KAZN: variants seen among roughly 807,000 people sequenced by gnomAD.
KAZN encodes the protein kazrin.
Under a neutral mutation model 87.4 loss-of-function variants are expected in KAZN, and 40 were observed. That is an observed-to-expected ratio of 0.46 (90% CI 0.36 to 0.60). KAZN has a LOEUF of 0.60. KAZN is among the 20% of genes least tolerant of loss of function. The pLI is 0.00. For missense variants in KAZN, 898 were observed against 1,073.9 expected, an observed-to-expected ratio of 0.84 and a Z score of 2.29; for synonymous variants, 466 against 458.3, an observed-to-expected ratio of 1.02 and a Z score of -0.22.
At chr1:14,922,095 C>T (rs1044902397) in intron 1 of KAZN, among the ~76,000 whole-genome samples, 2 of 152,204 alleles carry the variant, frequency 1.3e-5, no homozygotes, top group African/African-American at 4.8e-5. Context: ...TCCAGAAATA[C>T]GTGAAAGACT....
chr1:14,435,054 G>A (rs1313858081), intron 2 of KAZN, among the ~76,000 whole-genome samples: 1 of 152,072 alleles, frequency 6.6e-6, no homozygotes, highest in Non-Finnish European at 1.5e-5. Flanking sequence ...AAGAACCTCA[G>A]CCAGGGTCTC....
At chr1:14,466,739 T>C (rs924710482) in intron 2 of KAZN, among the ~76,000 whole-genome samples, 85 of 150,124 alleles carry the variant, frequency 5.7e-4, no homozygotes, top group Middle Eastern at 3.6e-3. Flanking sequence ...GAGGCCGAGG[T>C]GGGCAGATCA....
At chr1:14,420,796 G>A (rs763502785) in intron 2 of KAZN, among the ~76,000 whole-genome samples, 1 of 151,720 alleles carries the variant, frequency 6.6e-6, no homozygotes, top group Non-Finnish European at 1.5e-5. Context: ...GGCCACTCCC[G>A]AGTGCGGGGC....
intron 1 of KAZN, among the ~76,000 whole-genome samples, chr1:14,838,477 C>T (rs1647542252): frequency 6.6e-6 from 1 of 152,200 alleles, no homozygotes; most frequent in Non-Finnish European, 1.5e-5. Context: ...CCCACCTGGT[C>T]AGTTACCCAG....
chr1:14,137,804 G>A (rs1158311219), intron 1 of KAZN, among the ~76,000 whole-genome samples: 2 of 148,500 alleles, frequency 1.3e-5, no homozygotes, highest in East Asian at 4.1e-4. Context: ...CTCTTCCTGG[G>A]TTTAAGCGAT....
At chr1:15,034,486 A>G (rs1359848114) in intron 2 of KAZN, among the ~76,000 whole-genome samples, 1 of 147,818 alleles carries the variant, frequency 6.8e-6, no homozygotes, top group African/African-American at 2.6e-5. Context: ...GGGCTGGGAA[A>G]GCAGTTTCGA....
chr1:14,654,049 GC>G (rs777452032), intron 1 of KAZN, among the ~76,000 whole-genome samples: 32 of 152,284 alleles, frequency 2.1e-4, no homozygotes, highest in Non-Finnish European at 2.4e-4. Flanking sequence ...ACTCTGGGAG[GC>G]CAAGGCGGGC....
chr1:13,914,130 C>G (rs752129433), intron 1 of KAZN, among the ~76,000 whole-genome samples: 4 of 152,182 alleles, frequency 2.6e-5, no homozygotes, highest in Non-Finnish European at 4.4e-5. Flanking sequence ...GATGGAGAAC[C>G]AAATCCCAGT....
chr1:15,088,028 C>A (rs1014805183), intron 8 of KAZN, among the ~76,000 whole-genome samples: 1 of 152,208 alleles, frequency 6.6e-6, no homozygotes, highest in African/African-American at 2.4e-5. Flanking sequence ...CCAGGGCTCC[C>A]ATATTCCAGT....
At chr1:14,593,687 C>T (rs765976265), upstream of KAZN, among the ~76,000 whole-genome samples, 9 of 151,920 alleles carry the variant, frequency 5.9e-5, no homozygotes, top group African/African-American at 1.2e-4. Flanking sequence ...TGGCCATATA[C>T]GCTATGAAAT....
chr1:13,933,191 T>TG (rs1344757689), intron 1 of KAZN, among the ~76,000 whole-genome samples: 6 of 152,134 alleles, frequency 3.9e-5, no homozygotes, highest in African/African-American at 1.4e-4. Flanking sequence ...TATTTTTTTT[T>TG]TCATTAAAAA....
rs932624548 is a variant in KAZN, at chr1:13,917,754, A to G, written c.91+23998A>G. On this transcript the variant is annotated intron_variant, in intron 1 of 16. Coordinates refer to the KAZN transcript ENST00000636203. ...TGAGGCTACAGTGAGCTGTGTTTACACGACAGCACTCCAGCCTGGTGACAG... is the reference window on the plus strand; with the variant it reads ...TGAGGCTACAGTGAGCTGTGTTTACGCGACAGCACTCCAGCCTGGTGACAG... Among the ~76,000 whole-genome samples the G allele has an allele frequency of 2.7e-5, 4 of 149,628 alleles. No homozygotes were observed. The East Asian group carries it at 7.8e-4, about 29-fold the overall frequency.
At chr1:14,111,462 T>C (rs576288783) in intron 1 of KAZN, among the ~76,000 whole-genome samples, 1 of 135,692 alleles carries the variant, frequency 7.4e-6, no homozygotes, top group African/African-American at 2.8e-5. Flanking sequence ...GTGATAATTG[T>C]GCACTGAGTA....
At chr1:14,935,995 C>T (rs1660410563) in intron 1 of KAZN, among the ~76,000 whole-genome samples, 1 of 152,256 alleles carries the variant, frequency 6.6e-6, no homozygotes, top group African/African-American at 2.4e-5. Flanking sequence ...TTCCCTGGAG[C>T]CTCCAAGCCC....
chr1:14,218,420 A>C (rs1010487273), intron 2 of KAZN, among the ~76,000 whole-genome samples: 1 of 152,136 alleles, frequency 6.6e-6, no homozygotes, highest in Non-Finnish European at 1.5e-5. Flanking sequence ...CTAAAAGAAA[A>C]CAGCTATTCT....
intron 2 of KAZN, among the ~76,000 whole-genome samples, chr1:14,524,210 C>T (rs1204697648): frequency 1.3e-5 from 2 of 152,034 alleles, no homozygotes; most frequent in African/African-American, 2.4e-5. Context: ...TTAGTAGAGA[C>T]GGGGTTTCAC....
intron 2 of KAZN, among the ~76,000 whole-genome samples, chr1:14,505,664 A>G (rs1313112079): frequency 2.6e-5 from 4 of 152,118 alleles, no homozygotes; most frequent in African/African-American, 9.7e-5. Context: ...ATGCACAAGG[A>G]GTTTCAGTTT....
chr1:14,136,987 A>G (rs1645121985), intron 1 of KAZN, among the ~76,000 whole-genome samples: 1 of 152,164 alleles, frequency 6.6e-6, no homozygotes, highest in African/African-American at 2.4e-5. Flanking sequence ...CAGCCAGACC[A>G]CTGCTTTTAG....
chr1:14,997,664 A>C (rs1188224105), intron 2 of KAZN, among the ~76,000 whole-genome samples: 1 of 152,168 alleles, frequency 6.6e-6, no homozygotes, highest in African/African-American at 2.4e-5. Flanking sequence ...CAGTAAATCC[A>C]TGCGGAAAGC....
Sources: allele counts gnomAD v4.1 joint callset (sites outside exome capture counted in the v4.1 genomes callset), GRCh38; gene constraint gnomAD v4.1.1; transcripts MANE v1.5; gene names NCBI Gene and HGNC (gene_info 2026-07-23, HGNC 2026-07-21).